The following DNAH9 variants were observed in gnomAD, a reference collection of about 807,000 sequenced individuals.
The protein encoded by DNAH9 is dynein axonemal heavy chain 9.
In DNAH9, 345 loss-of-function variants were observed where a neutral mutation model predicts 471.6. That is an observed-to-expected ratio of 0.73 (90% CI 0.67 to 0.80). The LOEUF is 0.80. DNAH9 is among the 30% of genes least tolerant of loss of function. DNAH9 has a pLI of 0.00. For synonymous variants in DNAH9, 2,093 were observed against 2,123.6 expected, an observed-to-expected ratio of 0.99 and a Z score of 0.40; for missense variants, 5,407 against 5,609.2, an observed-to-expected ratio of 0.96 and a Z score of 1.15.
intron 10 of DNAH9, among the ~76,000 whole-genome samples, chr17:11,640,890 C>G (rs965665927): frequency 1.3e-5 from 2 of 152,090 alleles, no homozygotes; most frequent in African/African-American, 4.8e-5. Flanking sequence ...GCAAGCTCCT[C>G]CTGTGATTCT....
At chr17:11,806,710 A>G (rs1418585914) in intron 43 of DNAH9, among the ~76,000 whole-genome samples, 1 of 152,252 alleles carries the variant, frequency 6.6e-6, no homozygotes, top group Non-Finnish European at 1.5e-5. Context: ...ACTAGAAAAA[A>G]GTCTAGAAGG....
At chr17:11,642,833 T>G (rs2073303377) in intron 10 of DNAH9, among the ~76,000 whole-genome samples, 1 of 152,156 alleles carries the variant, frequency 6.6e-6, no homozygotes, top group Non-Finnish European at 1.5e-5. Context: ...TGGAGCATAT[T>G]CTACCTCTCC....
chr17:11,652,691 C>T, intron 13 of DNAH9, 70 bp from the exon 14 acceptor site: 1 of 1,446,118 alleles, frequency 6.9e-7, no homozygotes, highest in Non-Finnish European at 9.5e-7. Flanking sequence ...CCCTGTCTTT[C>T]ATAGCAACTA....
chr17:11,601,622 A>G (rs1000094566), intron 1 of DNAH9, among the ~76,000 whole-genome samples: 1 of 152,120 alleles, frequency 6.6e-6, no homozygotes, highest in African/African-American at 2.4e-5. Flanking sequence ...CTTTCTGTCC[A>G]TCCATCTACT....
intron 45 of DNAH9, among the ~76,000 whole-genome samples, chr17:11,811,092 C>T (rs554712964): frequency 6.6e-6 from 1 of 152,324 alleles, no homozygotes; most frequent in East Asian, 1.9e-4. Context: ...GTGGGTGGCT[C>T]ACCTGAGGTC....
At chr17:11,949,517 T>C (rs1975281652) in intron 67 of DNAH9, among the ~76,000 whole-genome samples, 1 of 152,046 alleles carries the variant, frequency 6.6e-6, no homozygotes, top group Non-Finnish European at 1.5e-5. Flanking sequence ...GTTTTGCTCT[T>C]GTTGTCCAGG....
At chr17:11,951,043 G>A (rs535359970) in intron 67 of DNAH9, among the ~76,000 whole-genome samples, 2 of 152,258 alleles carry the variant, frequency 1.3e-5, no homozygotes, top group East Asian at 1.9e-4. Context: ...CAGGACAGAC[G>A]ACATTCACAT....
chr17:11,611,113 A>G (rs977848682), intron 3 of DNAH9, among the ~76,000 whole-genome samples: 1 of 152,010 alleles, frequency 6.6e-6, no homozygotes, highest in African/African-American at 2.4e-5. Context: ...ACTCCAATTT[A>G]TTATCGTGCT....
intron 30 of DNAH9, 73 bp from the exon 31 acceptor site, chr17:11,744,724 A>G (rs1044215535): frequency 6.0e-6 from 8 of 1,336,102 alleles, no homozygotes; most frequent in Non-Finnish European, 8.3e-6. Context: ...TAGCATATCT[A>G]TGATTCTGCA....
At position 11,886,788 on chromosome 17, in the gene DNAH9, G is replaced by C. The variant is rs1972891273; in HGVS notation, c.10972-37G>C. The C allele has an allele frequency of 3.2e-6, 5 of 1,580,566 alleles. No individual in the cohort carries two copies. The East Asian group carries it at 9.0e-5, about 29-fold the overall frequency. On this transcript the variant is annotated intron_variant, in intron 56 of 68. Transcript: ENST00000262442. ...AGTTGATTCTCAGGAAGCCCAGGTTGGTTGGAACAGTGGGCTGCTGTTTAT... is the reference window on the plus strand; with the variant it reads ...AGTTGATTCTCAGGAAGCCCAGGTTCGTTGGAACAGTGGGCTGCTGTTTAT...
intron 6 of DNAH9, among the ~76,000 whole-genome samples, chr17:11,622,029 T>G (rs1439564501): frequency 6.7e-6 from 1 of 148,670 alleles, no homozygotes; most frequent in African/African-American, 2.5e-5. Flanking sequence ...GAGCTTGCAG[T>G]GAGCTGAGAT....
In DNAH9 at chr17:11,690,410, G is replaced by A. The variant is rs746737529; in HGVS notation, c.4588G>A (p.Glu1530Lys). Residue 1530 changes from glutamate (E) to lysine (K), a missense_variant, in exon 20 of 69, where the codon GAA (glutamate) becomes AAA (lysine). Glu to Lys is a moderately conservative substitution (Grantham distance 56). Transcript: ENST00000262442. ...THLESIFTGS[E>K]DIRAQLPQDS... ...CCTGGAAAGCATATTCACTGGATCT[G>A]AAGATATTCGGGCACAGCTACCCCA... The A allele has an allele frequency of 2.5e-5, 40 of 1,613,758 alleles. No homozygotes were observed. Among genetic ancestry groups the A allele is most frequent in the Non-Finnish European group, 1.3e-5 (15 of 1,179,768 alleles).
chr17:11,915,006 G>A (rs1301522970), intron 61 of DNAH9, among the ~76,000 whole-genome samples: 1 of 152,086 alleles, frequency 6.6e-6, no homozygotes, highest in Non-Finnish European at 1.5e-5. Context: ...ACCACATTTA[G>A]TTCTATTGAT....
intron 61 of DNAH9, among the ~76,000 whole-genome samples, chr17:11,923,116 C>T (rs1322256568): frequency 1.4e-4 from 22 of 151,938 alleles, no homozygotes; most frequent in Admixed American, 1.4e-3. Flanking sequence ...GCTCTTGTTG[C>T]CCAGGCTGGA....
rs1302189189 is a variant in DNAH9, at chr17:11,935,220, C to G, written c.12489+1149C>G. Among the ~76,000 whole-genome samples, 3 of 151,886 alleles carry G rather than the reference C, an allele frequency of 2.0e-5. No homozygotes were observed. The East Asian group carries it at 5.8e-4, about 30-fold the overall frequency. ...CAGGTGATCCACCTGCCTCGGCCTC[C>G]CAAAGTGCTGGGATTACAGGTGTGA... On this transcript the variant is annotated intron_variant, in intron 65 of 68. Transcript: ENST00000262442.
In DNAH9 at chr17:11,935,277, T is replaced by C. The variant is rs552932226; in HGVS notation, c.12489+1206T>C. ...ACGCCCGGCCTCATGGAGGTTTTCTTACTATTACTTCGGTCTTTTATGTTA... is the reference window on the plus strand; with the variant it reads ...ACGCCCGGCCTCATGGAGGTTTTCTCACTATTACTTCGGTCTTTTATGTTA... On this transcript the variant is annotated intron_variant, in intron 65 of 68. Coordinates refer to ENST00000262442, the MANE Select transcript of DNAH9 (RefSeq NM_001372.4). 2.0e-5 allele frequency among the ~76,000 whole-genome samples: 3 copies of C among 150,948 alleles called. No homozygotes were observed. The South Asian group carries it at 6.3e-4, about 32-fold the overall frequency.
intron 66 of DNAH9, among the ~76,000 whole-genome samples, chr17:11,940,248 G>A (rs75998653): frequency 2.0e-3 from 300 of 152,266 alleles, no homozygotes; most frequent in African/African-American, 6.8e-3. Context: ...GAGGGGCCCC[G>A]CATACGTCTG....
intron 43 of DNAH9, among the ~76,000 whole-genome samples, chr17:11,800,892 G>A (rs2322053): frequency 0.44 from 67,359 of 151,958 alleles, 15,212 homozygotes; most frequent in Non-Finnish European, 0.49. Context: ...TGCTTAGCAT[G>A]TTATATGAGA....
At chr17:11,952,920 T>C (rs555953356) in intron 67 of DNAH9, among the ~76,000 whole-genome samples, 5 of 152,178 alleles carry the variant, frequency 3.3e-5, no homozygotes, top group Non-Finnish European at 5.9e-5. Flanking sequence ...ATTTGGTTTC[T>C]GGTGAGGGCT....
Sources: gnomAD v4.1 joint callset for allele counts (sites outside exome capture counted in the v4.1 genomes callset) on GRCh38, gnomAD v4.1.1 for gene constraint, MANE v1.5 for transcripts, NCBI Gene and HGNC (gene_info 2026-07-23, HGNC 2026-07-21) for gene names.